SYT16: variants seen among roughly 807,000 people sequenced by gnomAD.
SYT16 encodes the protein synaptotagmin-16.
SYT16 carries 42 observed loss-of-function variants against 61.4 expected under a neutral mutation model. That is an observed-to-expected ratio of 0.68 (90% CI 0.53 to 0.89). The LOEUF (loss-of-function observed/expected upper bound fraction) is 0.89. SYT16 is among the 40% of genes least tolerant of loss of function. The pLI, the probability that SYT16 is intolerant of heterozygous loss-of-function variation, is 0.00. For missense variants in SYT16, 804 were observed against 807.3 expected, an observed-to-expected ratio of 1.00 and a Z score of 0.05; for synonymous variants, 314 against 302.3, an observed-to-expected ratio of 1.04 and a Z score of -0.40.
intron 1 of SYT16, among the ~76,000 whole-genome samples, chr14:61,837,744 C>T (rs2046177053): frequency 1.3e-5 from 2 of 152,216 alleles, no homozygotes; most frequent in Non-Finnish European, 2.9e-5. Context: ...AGAACAGCCA[C>T]GCCTTGGATG....
chr14:62,097,395 T>C (rs2057305770), intron 7 of SYT16, among the ~76,000 whole-genome samples: 1 of 152,206 alleles, frequency 6.6e-6, no homozygotes, highest in Non-Finnish European at 1.5e-5. Flanking sequence ...TTCCAAAGAT[T>C]AAAACACAGC....
At chr14:61,972,282 G>A (rs1057286720) in intron 2 of SYT16, among the ~76,000 whole-genome samples, 7 of 152,140 alleles carry the variant, frequency 4.6e-5, no homozygotes, top group Non-Finnish European at 8.8e-5. Flanking sequence ...AAACTATAAT[G>A]GTTATGAGGA....
intron 1 of SYT16, among the ~76,000 whole-genome samples, chr14:61,900,221 C>T (rs1295299436): frequency 6.8e-6 from 1 of 148,100 alleles, no homozygotes; most frequent in Non-Finnish European, 1.5e-5. Context: ...TGCAGTGGCG[C>T]AATCTCGGCT....
At chr14:61,837,240 T>G (rs1374179349) in intron 1 of SYT16, among the ~76,000 whole-genome samples, 1 of 150,540 alleles carries the variant, frequency 6.6e-6, no homozygotes, top group East Asian at 1.9e-4. Context: ...CTGATTTTTT[T>G]TTTTTTTTTT....
At chr14:62,082,582 G>C (rs541569883) in intron 6 of SYT16, among the ~76,000 whole-genome samples, 1 of 152,236 alleles carries the variant, frequency 6.6e-6, no homozygotes, top group South Asian at 2.1e-4. Context: ...GACTCTTCTG[G>C]ACATGGGAGC....
At chr14:61,837,445 G>A (rs1319852752) in intron 1 of SYT16, among the ~76,000 whole-genome samples, 1 of 151,452 alleles carries the variant, frequency 6.6e-6, no homozygotes, top group South Asian at 2.1e-4. Flanking sequence ...TGCTATGTTG[G>A]CCAGGCTGGT....
In SYT16 at chr14:61,996,487, T is replaced by C. The variant is rs2052776097; in HGVS notation, c.468T>C (p.His156=). The change falls in exon 3 of 8, where the codon CAT becomes CAC. Residue 156 remains histidine (H), a synonymous_variant. Transcript: ENST00000683842. ...AAAAGCAAAGAAGTGGCCTTCAACA[T>C]GGCTTTGACAGCCAGCTCCCTGGTA... ...HLEKQRSGLQ[H]GFDSQLPGTL... 1 of 1,613,086 alleles carries C rather than the reference T, an allele frequency of 6.2e-7. No homozygotes were observed. The highest frequency in any genetic ancestry group is 1.1e-5 in the South Asian group (1 of 90,918).
chr14:62,080,998 C>T lies in SYT16; in HGVS notation c.1158C>T (p.Asn386=), dbSNP rs969688064. ...GLPDKDRSGV[N]SWQVHVVLLP... is the part of the protein sequence containing the mutation. ...CAGATAAGGACCGAAGTGGTGTCAA[C>T]TCCTGGCAAGTTCATGTAGTGCTGC... Residue 386 remains asparagine, a synonymous_variant, in exon 6 of 8, where the codon AAC becomes AAT. Coordinates refer to ENST00000683842, the MANE Select transcript of SYT16 (RefSeq NM_001367656.1). 1.9e-6 allele frequency: 3 copies of T among 1,613,372 alleles called. No homozygotes were observed. Among genetic ancestry groups the T allele is most frequent in the Non-Finnish European group, 2.5e-6 (3 of 1,179,640 alleles).
At chr14:61,904,319 T>C (rs1157838017) in intron 1 of SYT16, among the ~76,000 whole-genome samples, 1 of 152,146 alleles carries the variant, frequency 6.6e-6, no homozygotes, top group African/African-American at 2.4e-5. Context: ...TGCTTAGGTG[T>C]GGGGTTGGCT....
In SYT16 at chr14:62,036,085, A is replaced by G. The variant is rs572520412; in HGVS notation, c.524-33518A>G. 4.6e-4 allele frequency among the ~76,000 whole-genome samples: 70 copies of G among 152,256 alleles called. 1 individual carries two copies. In the South Asian group the frequency reaches 0.013, roughly 29 times the overall value. On this transcript the variant is annotated intron_variant, in intron 3 of 7. Coordinates refer to ENST00000683842, the MANE Select transcript of SYT16 (RefSeq NM_001367656.1). Reference sequence around the variant, plus strand: ...GGGAGAGCTTCAGATTATTTTGGTAAGTGCTTCCATAGGGGTAAGCACAGG... The same window carrying G: ...GGGAGAGCTTCAGATTATTTTGGTAGGTGCTTCCATAGGGGTAAGCACAGG...
intron 2 of SYT16, among the ~76,000 whole-genome samples, chr14:61,992,039 A>T (rs1443575630): frequency 6.6e-6 from 1 of 152,158 alleles, no homozygotes; most frequent in Non-Finnish European, 1.5e-5. Context: ...GCTACAAAGT[A>T]TAAGCACAGC....
At chr14:61,817,282 G>GT (rs2045471994) in intron 1 of SYT16, among the ~76,000 whole-genome samples, 1 of 151,844 alleles carries the variant, frequency 6.6e-6, no homozygotes, top group South Asian at 2.1e-4. Context: ...GCCGGGTGTG[G>GT]TGACAGGCGC....
chr14:61,883,901 T>C (rs1202322957), intron 1 of SYT16, among the ~76,000 whole-genome samples: 1 of 152,092 alleles, frequency 6.6e-6, no homozygotes, highest in Non-Finnish European at 1.5e-5. Flanking sequence ...GCAGGAGAAA[T>C]GCCAGATGCT....
intron 1 of SYT16, among the ~76,000 whole-genome samples, chr14:61,963,059 T>C (rs2051176373): frequency 6.6e-6 from 1 of 152,122 alleles, no homozygotes; most frequent in African/African-American, 2.4e-5. Flanking sequence ...TCGATAAATA[T>C]TGTGTAAGTT....
chr14:61,909,393 A>G (rs752880496), intron 1 of SYT16, among the ~76,000 whole-genome samples: 2 of 152,178 alleles, frequency 1.3e-5, no homozygotes, highest in Non-Finnish European at 2.9e-5. Context: ...TGGCAGGGCC[A>G]TGCTCCCTCT....
At chr14:61,988,481 A>G (rs1204172688) in intron 2 of SYT16, among the ~76,000 whole-genome samples, 1 of 152,220 alleles carries the variant, frequency 6.6e-6, no homozygotes. Context: ...CAATGGGCTT[A>G]TGAAATTTAA....
chr14:62,039,844 C>CACAT (rs2140842471), intron 3 of SYT16, among the ~76,000 whole-genome samples: 2 of 118,304 alleles, frequency 1.7e-5, no homozygotes, highest in East Asian at 4.8e-4. Flanking sequence ...TACACACACA[C>CACAT]ACACACACAC....
chr14:61,942,344 G>C (rs1326897995), intron 1 of SYT16, among the ~76,000 whole-genome samples: 1 of 152,172 alleles, frequency 6.6e-6, no homozygotes, highest in Non-Finnish European at 1.5e-5. Context: ...AGTCATGAAT[G>C]GATGCTCAGC....
Position 61,823,212 on chromosome 14 carries a change from C to T in SYT16, c.-325+10402C>T, listed in dbSNP as rs577958782. On this transcript the variant is annotated intron_variant, in intron 1 of 7. Transcript: ENST00000683842. ...TTCACTGTGTTGGCCAGGCTGGTCTCGAACTCCTGACTTCGTGATCCTTCC... is the reference window on the plus strand; with the variant it reads ...TTCACTGTGTTGGCCAGGCTGGTCTTGAACTCCTGACTTCGTGATCCTTCC... 7.2e-5 allele frequency among the ~76,000 whole-genome samples: 11 copies of T among 152,100 alleles called. No individual in the cohort carries two copies. In the East Asian group the frequency reaches 1.7e-3, roughly 24 times the overall value.
Sources: gnomAD v4.1 joint callset for allele counts (sites outside exome capture counted in the v4.1 genomes callset) on GRCh38, gnomAD v4.1.1 for gene constraint, MANE v1.5 for transcripts, NCBI Gene and HGNC (gene_info 2026-07-23, HGNC 2026-07-21) for gene names.